Variants in DPYD observed in about 807,000 individuals in gnomAD.
The protein encoded by DPYD is dihydropyrimidine dehydrogenase.
DPYD carries 109 observed loss-of-function variants against 116.2 expected under a neutral mutation model. The ratio of observed to expected loss-of-function variants is 0.94; its 90% confidence interval spans 0.80 to 1.10. DPYD has a LOEUF of 1.10. Among genes scored for constraint, DPYD ranks in the 50% least tolerant of loss-of-function variants. The pLI, the probability that DPYD is intolerant of heterozygous loss-of-function variation, is 0.00. For synonymous variants in DPYD, 440 were observed against 432.0 expected (o/e 1.02, Z -0.23); for missense variants, 1,302 against 1,254.5 (o/e 1.04, Z -0.57).
At chr1:97,753,571 A>G (rs1005648592) in intron 3 of DPYD, among the ~76,000 whole-genome samples, 3 of 152,164 alleles carry the variant, frequency 2.0e-5, no homozygotes, top group African/African-American at 7.2e-5. Context: ...ACCAAGCATA[A>G]CATAGTCATT....
chr1:97,257,258 C>G (rs1308557180), intron 18 of DPYD, among the ~76,000 whole-genome samples: 1 of 151,604 alleles, frequency 6.6e-6, no homozygotes, highest in Non-Finnish European at 1.5e-5. Context: ...TTTATAAAAT[C>G]TCTATATTTG....
At chr1:97,548,744 T>A (rs2102080860) in intron 12 of DPYD, among the ~76,000 whole-genome samples, 1 of 151,934 alleles carries the variant, frequency 6.6e-6, no homozygotes, top group East Asian at 1.9e-4. Context: ...TCAAAAAATA[T>A]AAAAAAATTA....
intron 1 of DPYD, among the ~76,000 whole-genome samples, chr1:97,894,670 TA>T (rs1277835876): frequency 1.3e-5 from 2 of 151,660 alleles, no homozygotes; most frequent in African/African-American, 4.8e-5. Context: ...AGCAAAACAT[TA>T]ATAACATATA....
At chr1:97,277,954 T>A (rs1665058170) in intron 18 of DPYD, among the ~76,000 whole-genome samples, 1 of 152,198 alleles carries the variant, frequency 6.6e-6, no homozygotes, top group Non-Finnish European at 1.5e-5. Context: ...TGCATCCTTA[T>A]TGCTGTTTCT....
At chr1:97,630,881 T>C (rs111609827) in intron 8 of DPYD, among the ~76,000 whole-genome samples, 14 of 152,132 alleles carry the variant, frequency 9.2e-5, no homozygotes, top group African/African-American at 3.1e-4. Context: ...CACAACTTCC[T>C]GCCCTTTACA....
intron 13 of DPYD, among the ~76,000 whole-genome samples, chr1:97,497,340 A>C (rs189481198): frequency 2.2e-4 from 33 of 152,048 alleles, no homozygotes; most frequent in African/African-American, 7.9e-4. Context: ...ACGGCAAAGA[A>C]CCTATATAAC....
At chr1:97,896,022 TTACATAC>T (rs1372612877) in intron 1 of DPYD, among the ~76,000 whole-genome samples, 1 of 151,774 alleles carries the variant, frequency 6.6e-6, no homozygotes, top group African/African-American at 2.4e-5. Flanking sequence ...TACACTGTAA[TTACATAC>T]TATTTGACCT....
chr1:97,759,855 C>A, intron 3 of DPYD, among the ~76,000 whole-genome samples: 1 of 152,070 alleles, frequency 6.6e-6, no homozygotes, highest in East Asian at 1.9e-4. Context: ...AGAATGTGAT[C>A]CATAACTTAC....
At chr1:97,524,036 AG>A (rs143215559) in intron 12 of DPYD, among the ~76,000 whole-genome samples, 3,583 of 152,182 alleles carry the variant, frequency 0.024, 147 homozygotes, top group African/African-American at 0.083. Context: ...AAAAAAGTCT[AG>A]TAAGCCTCTT....
intron 20 of DPYD, among the ~76,000 whole-genome samples, chr1:97,131,472 G>A (rs1221641821): frequency 6.6e-6 from 1 of 151,082 alleles, no homozygotes; most frequent in Admixed American, 6.6e-5. Flanking sequence ...CTCCACCTGA[G>A]AAAGGTTAGT....
chr1:97,289,723 C>A (rs1298226209), intron 18 of DPYD, among the ~76,000 whole-genome samples: 2 of 152,120 alleles, frequency 1.3e-5, no homozygotes, highest in Non-Finnish European at 2.9e-5. Flanking sequence ...TAACCCACAG[C>A]CAATATCATA....
chr1:97,885,766 T>G (rs1364189193), intron 1 of DPYD, among the ~76,000 whole-genome samples: 1 of 152,068 alleles, frequency 6.6e-6, no homozygotes. Context: ...AACTCTGTTT[T>G]TCTGAGTATG....
rs890758053 is a variant in DPYD, at chr1:97,238,055, T to C, written c.2300-3061A>G. ...AACCAGTGACACTTAAAGGGCAACA[T>C]TATTACACAGGTGTTAAAAAAATCA... is the stretch of plus-strand genomic sequence containing the variant. On this transcript the variant is annotated intron_variant, in intron 18 of 22. Coordinates refer to ENST00000370192, the MANE Select transcript of DPYD (RefSeq NM_000110.4). Among the ~76,000 whole-genome samples, 79 of 152,248 alleles carry C rather than the reference T, an allele frequency of 5.2e-4. 1 individual carries two copies. Among genetic ancestry groups the C allele is most frequent in the African/African-American group, 1.8e-3 (73 of 41,564 alleles).
chr1:97,734,456 A>G lies in DPYD; in HGVS notation c.321+5936T>C, dbSNP rs185709470. Among the ~76,000 whole-genome samples the G allele has an allele frequency of 3.0e-4, 46 of 152,240 alleles. No individual in the cohort carries two copies. The East Asian group carries it at 8.3e-3, about 27-fold the overall frequency. On this transcript the variant is annotated intron_variant, in intron 4 of 22. Transcript: ENST00000370192. ...CTTTGTAGTATCAGTATCTGATATA[A>G]TAAATCTTTTTTGTCTTCATTTTTT...
At position 97,514,713 on chromosome 1, in the gene DPYD, G is replaced by GT. The variant is rs542818133; in HGVS notation, c.1740+1012dup. Among the ~76,000 whole-genome samples the GT allele has an allele frequency of 3.4e-4, 50 of 149,052 alleles. 1 individual carries two copies. The highest frequency in any genetic ancestry group is 2.4e-3 in the South Asian group (11 of 4,672). On this transcript the variant is annotated intron_variant, in intron 13 of 22. Transcript: ENST00000370192. ...TTACGAAGGATTTTTTTCCTGCACT[G>GT]TTTTTTTTTCTGACTTTTGAGAATT...
chr1:97,780,348 A>G (rs896077896), intron 3 of DPYD, among the ~76,000 whole-genome samples: 2 of 152,210 alleles, frequency 1.3e-5, no homozygotes, highest in Non-Finnish European at 2.9e-5. Context: ...AAACTTTTCC[A>G]TATGTCATGA....
intron 15 of DPYD, among the ~76,000 whole-genome samples, chr1:97,379,727 C>A (rs1671835417): frequency 6.6e-6 from 1 of 152,174 alleles, no homozygotes. Context: ...CCTGAAGGGG[C>A]AGGACATGCA....
chr1:97,695,250 T>C (rs1205364211), intron 6 of DPYD, among the ~76,000 whole-genome samples: 1 of 151,996 alleles, frequency 6.6e-6, no homozygotes, highest in African/African-American at 2.4e-5. Flanking sequence ...ATTAAAATAA[T>C]GTTTTAATCA....
chr1:97,192,201 A>T (rs185913809), intron 20 of DPYD, among the ~76,000 whole-genome samples: 3 of 152,192 alleles, frequency 2.0e-5, no homozygotes, highest in Admixed American at 1.3e-4. Context: ...TGTTTCTCTT[A>T]TTCTTTCTGA....
Sources: allele counts gnomAD v4.1 joint callset (sites outside exome capture counted in the v4.1 genomes callset), GRCh38; gene constraint gnomAD v4.1.1; transcripts MANE v1.5; gene names NCBI Gene and HGNC (gene_info 2026-07-23, HGNC 2026-07-21).